Variants in LPAR5 observed in about 807,000 individuals in gnomAD.
LPAR5 encodes G protein-coupled receptor 92.
For missense variants in LPAR5, 544 were observed against 521.8 expected (o/e 1.04, Z -0.41); for synonymous variants, 271 against 261.6 (o/e 1.04, Z -0.35).
In LPAR5 at chr12:6,620,399, G is replaced by A. The variant is rs749935314; in HGVS notation, c.850C>T (p.Leu284=). The A allele has an allele frequency of 1.9e-6, 3 of 1,611,342 alleles. No homozygotes were observed. In the African/African-American group the frequency reaches 4.0e-5, roughly 22 times the overall value. ...RVRGVLMVMV[L]LAGANCVLDP... is the part of the protein sequence containing the mutation. ...AGCACGCAGTTGGCGCCGGCCAGCAGCACCATCACCATCAGCACCCCGCGC... is the reference window on the plus strand; with the variant it reads ...AGCACGCAGTTGGCGCCGGCCAGCAACACCATCACCATCAGCACCCCGCGC... Residue 284 remains leucine (L), a synonymous_variant, in exon 2 of 2, where the codon CTG becomes TTG. Coordinates refer to ENST00000329858, the MANE Select transcript of LPAR5 (RefSeq NM_020400.6). The surrounding 1 kb of genome is among the most constrained non-coding windows in gnomAD (Gnocchi z 6.8).
intron 1 of LPAR5, among the ~76,000 whole-genome samples, chr12:6,626,945 G>A (rs1422343310): frequency 1.3e-5 from 2 of 152,206 alleles, no homozygotes; most frequent in East Asian, 1.9e-4. Flanking sequence ...GAGGGGCTGT[G>A]GACCATGGCT....
At chr12:6,634,014 A>AT (rs1004232808) in intron 1 of LPAR5, among the ~76,000 whole-genome samples, 203 of 149,094 alleles carry the variant, frequency 1.4e-3, no homozygotes, top group African/African-American at 4.6e-3. Context: ...TACAAAAAAT[A>AT]TTTTTTTTTT....
rs1394511271 is a variant in LPAR5 at position 6,621,407 on chromosome 12, G to A, written c.-159C>T. On this transcript the variant is annotated 5_prime_UTR_variant, in exon 2 of 2. Coordinates refer to ENST00000329858, the MANE Select transcript of LPAR5 (RefSeq NM_020400.6). ...TGGGAATGTGGGCTATGGCTGCAGG[G>A]ACAGATGGCTGCCAAGGGTTGGGTG... 1 of 646,242 alleles carries A rather than the reference G, an allele frequency of 1.5e-6. No homozygotes were observed. Among genetic ancestry groups the A allele is most frequent in the Non-Finnish European group, 2.3e-6 (1 of 427,882 alleles). 40.0% of individuals were successfully genotyped at this position (646,242 alleles called of 1,614,324 possible). A position where few individuals can be genotyped will look rare whatever the true frequency, so the allele number is the denominator to read the frequency against.
chr12:6,623,278 G>C (rs1307880257), intron 1 of LPAR5, among the ~76,000 whole-genome samples: 6 of 150,626 alleles, frequency 4.0e-5, no homozygotes, highest in Non-Finnish European at 8.8e-5. Context: ...TCATGCCTGT[G>C]ATCTCAGCAC....
chr12:6,628,028 C>CTTTCTTT (rs1555076535), intron 1 of LPAR5, among the ~76,000 whole-genome samples: 3 of 134,488 alleles, frequency 2.2e-5, no homozygotes, highest in East Asian at 2.2e-4. Context: ...TTTCTTTTTT[C>CTTTCTTT]TTTTTTTTTT....
chr12:6,629,826 C>T (rs1238754819), intron 1 of LPAR5, among the ~76,000 whole-genome samples: 2 of 151,766 alleles, frequency 1.3e-5, no homozygotes, highest in Non-Finnish European at 2.9e-5. Context: ...GCATTCAAAA[C>T]CAGCCTGGTC....
In LPAR5 at chr12:6,625,286, G is replaced by A. The variant is rs150539378; in HGVS notation, c.-216-3822C>T. 1.9e-3 allele frequency among the ~76,000 whole-genome samples: 293 copies of A among 151,624 alleles called. 2 individuals are homozygous for A. The highest frequency in any genetic ancestry group is 3.6e-3 in the African/African-American group (150 of 41,318). On this transcript the variant is annotated intron_variant, in intron 1 of 1. Transcript: ENST00000329858. ...TAAAAATGCAAAAAATTAGCCGGGC[G>A]TGGTGGCAGGCGCCTGTAGTCCCAG...
In LPAR5 at chr12:6,633,982, C is replaced by A. The variant is rs141378679; in HGVS notation, c.-217+1925G>T. ...AAAGGAGGATTTCTGCCAGCCTGGG[C>A]AGCATAGTGGGACCCCATCTCTACA... On this transcript the variant is annotated intron_variant, in intron 1 of 1. Transcript: ENST00000329858. Among the ~76,000 whole-genome samples the A allele has an allele frequency of 6.3e-3, 955 of 152,196 alleles. 5 individuals are homozygous for A. The highest frequency in any genetic ancestry group is 9.9e-3 in the Non-Finnish European group (672 of 68,006).
intron 1 of LPAR5, among the ~76,000 whole-genome samples, chr12:6,627,806 C>G (rs904669459): frequency 2.0e-5 from 3 of 151,958 alleles, no homozygotes; most frequent in African/African-American, 7.2e-5. Context: ...AACAGGAAAT[C>G]CACCCTCCCC....
At chr12:6,630,281 C>T (rs370069350) in intron 1 of LPAR5, among the ~76,000 whole-genome samples, 11 of 151,260 alleles carry the variant, frequency 7.3e-5, no homozygotes, top group African/African-American at 2.7e-4. Context: ...CACCACCACA[C>T]CTGCCTAATT....
In LPAR5 at chr12:6,621,250, G is replaced by A. The variant is rs184483155; in HGVS notation, c.-2C>T. ...GGTTGAGGAGCTGTTGGCTAACATC[G>A]TGCCAAAGTGGGATTGGGAGCTAGG... On this transcript the variant is annotated 5_prime_UTR_variant, in exon 2 of 2. In the 5' UTR this introduces an upstream ATG that the reference lacks. Coordinates refer to ENST00000329858, the MANE Select transcript of LPAR5 (RefSeq NM_020400.6). 2.7e-6 allele frequency: 4 copies of A among 1,499,852 alleles called. No homozygotes were observed. Among genetic ancestry groups the A allele is most frequent in the Admixed American group, 2.3e-5 (1 of 43,362 alleles). 92.9% of individuals were successfully genotyped at this position (1,499,852 alleles called of 1,614,324 possible).
intron 1 of LPAR5, among the ~76,000 whole-genome samples, chr12:6,632,352 C>G (rs567618299): frequency 2.4e-4 from 36 of 152,316 alleles, no homozygotes; most frequent in African/African-American, 8.2e-4. Context: ...AAGGTTCTTA[C>G]ATCTCCCCAT....
intron 1 of LPAR5, among the ~76,000 whole-genome samples, chr12:6,629,063 C>A (rs1948964708): frequency 6.8e-6 from 1 of 148,144 alleles, no homozygotes; most frequent in African/African-American, 2.5e-5. Context: ...CCTGGCTGAT[C>A]TCAAGTCTTT....
chr12:6,620,629 A>ACCG lies in LPAR5; in HGVS notation c.617_619dup (p.Ala206dup). ...GAAGACTCGGCCCGACGAGTAGACC[A>ACCG]CCGCCGCCAGGGGCAGCAGGAAGCC... On this transcript the variant is annotated inframe_insertion, in exon 2 of 2. Transcript: ENST00000329858. The surrounding 1 kb of genome is among the most constrained non-coding windows in gnomAD (Gnocchi z 6.8). The ACCG allele has an allele frequency of 6.4e-7, 1 of 1,552,360 alleles. No individual in the cohort carries two copies. The highest frequency in any genetic ancestry group is 8.7e-7 in the Non-Finnish European group (1 of 1,148,782).
At chr12:6,629,978 C>T (rs999662485) in intron 1 of LPAR5, among the ~76,000 whole-genome samples, 13 of 149,512 alleles carry the variant, frequency 8.7e-5, no homozygotes, top group South Asian at 4.4e-4. Context: ...GAGCTGAGAT[C>T]GCGCCACTGC....
At chr12:6,632,899 G>A (rs765291107) in intron 1 of LPAR5, among the ~76,000 whole-genome samples, 1 of 152,130 alleles carries the variant, frequency 6.6e-6, no homozygotes, top group Non-Finnish European at 1.5e-5. Flanking sequence ...CGGGTGTCAG[G>A]TCGTGTCTTC....
At chr12:6,625,708 G>GCA (rs1948934396) in intron 1 of LPAR5, among the ~76,000 whole-genome samples, 2 of 135,834 alleles carry the variant, frequency 1.5e-5, no homozygotes, top group East Asian at 2.2e-4. Context: ...GGGCGACAGT[G>GCA]AGACTCCGTC....
At chr12:6,629,310 A>G (rs1319911674) in intron 1 of LPAR5, among the ~76,000 whole-genome samples, 1 of 145,672 alleles carries the variant, frequency 6.9e-6, no homozygotes, top group Admixed American at 6.9e-5. Flanking sequence ...CGGGAGACGG[A>G]GGTTGCAGTG....
intron 1 of LPAR5, among the ~76,000 whole-genome samples, chr12:6,627,307 A>G (rs151271035): frequency 1.5e-4 from 23 of 152,086 alleles, no homozygotes; most frequent in African/African-American, 5.5e-4. Context: ...AAATAAGTAA[A>G]TAGACCGGGA....
Sources: gnomAD v4.1 joint callset for allele counts (sites outside exome capture counted in the v4.1 genomes callset) on GRCh38, gnomAD v4.1.1 for gene constraint, Gnocchi (gnomAD v3.1) non-coding constraint, MANE v1.5 for transcripts, NCBI Gene and HGNC (gene_info 2026-07-23, HGNC 2026-07-21) for gene names.